RFX4: variants seen among roughly 807,000 people sequenced by gnomAD.
RFX4 encodes the protein regulatory factor X4, also known as transcription factor RFX4.
RFX4 carries 10 observed loss-of-function variants against 95.0 expected under a neutral mutation model. The observed-to-expected ratio is 0.11, with a 90% CI of 0.06 to 0.18. The LOEUF (loss-of-function observed/expected upper bound fraction) is 0.18, where lower values mean the gene tolerates loss of function less well. RFX4 is among the 10% of genes least tolerant of loss of function. RFX4 has a pLI of 1.00. For synonymous variants in RFX4, 321 were observed against 340.7 expected (o/e 0.94, Z 0.64); for missense variants, 640 against 922.0 (o/e 0.69, Z 3.96).
chr12:106,665,221 C>G (rs905161463), intron 4 of RFX4, among the ~76,000 whole-genome samples: 11 of 151,782 alleles, frequency 7.2e-5, no homozygotes, highest in African/African-American at 2.7e-4. Context: ...AGATTGATAC[C>G]TTTATAATTA....
chr12:106,668,713 T>G (rs1438258660), intron 4 of RFX4, among the ~76,000 whole-genome samples: 1 of 152,266 alleles, frequency 6.6e-6, no homozygotes. Flanking sequence ...CACACATCCA[T>G]GCATCCTTGT....
intron 5 of RFX4, among the ~76,000 whole-genome samples, chr12:106,686,667 C>T (rs938289422): frequency 6.6e-6 from 1 of 152,070 alleles, no homozygotes; most frequent in Non-Finnish European, 1.5e-5. Flanking sequence ...TTATTTTTAC[C>T]TGCCTGATTG....
chr12:106,678,857 G>A (rs368513510), intron 4 of RFX4, among the ~76,000 whole-genome samples: 8 of 152,086 alleles, frequency 5.3e-5, no homozygotes, highest in Middle Eastern at 3.4e-3. Flanking sequence ...AATTTCTACC[G>A]TGTGTATATA....
chr12:106,635,504 G>A (rs915014155), intron 2 of RFX4, among the ~76,000 whole-genome samples: 5 of 152,028 alleles, frequency 3.3e-5, no homozygotes, highest in African/African-American at 9.7e-5. Flanking sequence ...GTAGAGACAG[G>A]GTTTCACTGT....
intron 1 of RFX4, among the ~76,000 whole-genome samples, chr12:106,592,980 T>C (rs1565942708): frequency 6.6e-6 from 1 of 152,188 alleles, no homozygotes; most frequent in Non-Finnish European, 1.5e-5. Context: ...TGGGTCCAAA[T>C]TGAGGCAACT....
chr12:106,630,452 C>T (rs752573668), intron 2 of RFX4, among the ~76,000 whole-genome samples: 14 of 152,196 alleles, frequency 9.2e-5, no homozygotes, highest in East Asian at 1.9e-4. Context: ...GATTTAGCCA[C>T]GTTCCCACGG....
intron 2 of RFX4, among the ~76,000 whole-genome samples, chr12:106,614,020 G>A (rs936265169): frequency 6.6e-6 from 1 of 152,110 alleles, no homozygotes; most frequent in Non-Finnish European, 1.5e-5. Context: ...CCAACATTTG[G>A]GATAGCCATT....
In RFX4 at chr12:106,603,968, G is replaced by A. The variant is rs114997125; in HGVS notation, c.44-4829G>A. ...CGACATCTATGGAGCCAGCCACAGCGCCAGCCACTGGGTGTGAGATGATGG... is the reference window on the plus strand; with the variant it reads ...CGACATCTATGGAGCCAGCCACAGCACCAGCCACTGGGTGTGAGATGATGG... On this transcript the variant is annotated intron_variant, in intron 1 of 17. Transcript: ENST00000392842. 2.8e-3 allele frequency among the ~76,000 whole-genome samples: 430 copies of A among 152,206 alleles called. 2 individuals are homozygous for A. Among genetic ancestry groups the A allele is most frequent in the African/African-American group, 9.7e-3 (403 of 41,540 alleles).
chr12:106,704,638 G>A (rs2042049708), intron 8 of RFX4, among the ~76,000 whole-genome samples: 1 of 152,148 alleles, frequency 6.6e-6, no homozygotes, highest in Non-Finnish European at 1.5e-5. Flanking sequence ...AGAGCATGTT[G>A]AAATTCAGGG....
chr12:106,645,771 C>T (rs761699471), intron 3 of RFX4: 9 of 543,176 alleles, frequency 1.7e-5, no homozygotes, highest in African/African-American at 3.9e-5. Context: ...TGACTTGATT[C>T]TTACTCAACA....
Position 106,654,237 on chromosome 12 carries a change from G to A in RFX4, c.201G>A (p.Glu67=), listed in dbSNP as rs2040912430. Residue 67 remains glutamate, a synonymous_variant, in exon 4 of 18, where the codon GAG becomes GAA. Transcript: ENST00000392842. ...GCGTTTATTTCCCTAGGCTGGAGGA[G>A]AACTATGAGATTGCAGAGGGGGTCT... ...STPATLQWLE[E]NYEIAEGVCI... 2 of 1,613,866 alleles carry A rather than the reference G, an allele frequency of 1.2e-6. No homozygotes were observed. The highest frequency in any genetic ancestry group is 1.7e-6 in the Non-Finnish European group (2 of 1,179,928).
chr12:106,707,554 G>A (rs2042109111), intron 8 of RFX4, among the ~76,000 whole-genome samples: 1 of 152,130 alleles, frequency 6.6e-6, no homozygotes, highest in Non-Finnish European at 1.5e-5. Flanking sequence ...GGAGGGCGCA[G>A]GTGACAGAAT....
intron 4 of RFX4, among the ~76,000 whole-genome samples, chr12:106,673,982 T>A (rs1203014434): frequency 6.6e-6 from 1 of 151,948 alleles, no homozygotes; most frequent in Non-Finnish European, 1.5e-5. Context: ...TGTTCCCCAC[T>A]CCCCTCCTTA....
chr12:106,613,177 T>C (rs2137215654), intron 2 of RFX4, among the ~76,000 whole-genome samples: 1 of 151,204 alleles, frequency 6.6e-6, no homozygotes, highest in South Asian at 2.1e-4. Context: ...GATGGTTATG[T>C]AGTTTTCCTT....
chr12:106,608,838 C>A lies in RFX4; in HGVS notation c.85C>A (p.Arg29Ser), dbSNP rs146591557. ...ATGTCTCAACGAAAGTGAAAACAAACGTTATTCCAGCCACACATCTCTGGG... is the reference window on the plus strand; with the variant it reads ...ATGTCTCAACGAAAGTGAAAACAAAAGTTATTCCAGCCACACATCTCTGGG... ...ERCLNESENK[R>S]YSSHTSLGNV... The change falls in exon 2 of 18, where the codon CGT (arginine) becomes AGT (serine). Residue 29 changes from arginine to serine, a missense_variant. Around this residue, in one of 7 missense-constraint regions of RFX4, gnomAD observed 63 missense variants for 68.8 expected, o/e 0.92. Coordinates refer to ENST00000392842, the MANE Select transcript of RFX4 (RefSeq NM_213594.3). 1 of 1,608,640 alleles carries A rather than the reference C, an allele frequency of 6.2e-7. No homozygotes were observed. Among genetic ancestry groups the A allele is most frequent in the African/African-American group, 1.4e-5 (1 of 73,652 alleles).
Position 106,621,375 on chromosome 12 carries a change from T to C in RFX4, c.130+12492T>C, listed in dbSNP as rs529115920. 3.9e-5 allele frequency among the ~76,000 whole-genome samples: 6 copies of C among 152,322 alleles called. No individual in the cohort carries two copies. In the East Asian group the frequency reaches 1.2e-3, roughly 29 times the overall value. ...GAGAGCTAGCAGATCTCCTTAATCT[T>C]GTCAAGCCTTGCTTAAGTCTAGTCT... On this transcript the variant is annotated intron_variant, in intron 2 of 17. Transcript: ENST00000392842.
chr12:106,645,276 A>T lies in RFX4; in HGVS notation c.191+5884A>T, dbSNP rs148624752. Among the ~76,000 whole-genome samples, 860 of 152,212 alleles carry T rather than the reference A, an allele frequency of 5.7e-3. 6 individuals carry two copies. The highest frequency in any genetic ancestry group is 0.019 in the African/African-American group (803 of 41,518). On this transcript the variant is annotated intron_variant, in intron 3 of 17. Transcript: ENST00000392842. Reference sequence around the variant, plus strand: ...CCCGGCCGCACAATAACCTCTATTCATGCAGAGAATTTCGAAATGGAAAGC... The same window carrying T: ...CCCGGCCGCACAATAACCTCTATTCTTGCAGAGAATTTCGAAATGGAAAGC...
chr12:106,732,975 C>T lies in RFX4; in HGVS notation c.1523C>T (p.Ser508Leu). 6.2e-7 allele frequency: 1 copy of T among 1,614,196 alleles called. No individual in the cohort carries two copies. The highest frequency in any genetic ancestry group is 8.5e-7 in the Non-Finnish European group (1 of 1,180,030). Residue 508 changes from serine (S) to leucine (L), a missense_variant, in exon 15 of 18, where the codon TCA becomes TTA. Physicochemically the swap from Ser to Leu is moderately radical, Grantham distance 145. Coordinates refer to ENST00000392842, the MANE Select transcript of RFX4 (RefSeq NM_213594.3). ...ACAGAGGCTGCCGCACCAACCCCTT[C>T]ACCAGTGCCATCGTTTTCTCCAGCA... is the stretch of plus-strand genomic sequence containing the variant. ...ILTEAAAPTP[S>L]PVPSFSPAKS... is the part of the protein sequence containing the mutation.
In RFX4 at chr12:106,711,520, C is replaced by A; in HGVS notation, c.993+9C>A. The A allele has an allele frequency of 6.2e-7, 1 of 1,613,642 alleles. No homozygotes were observed. Among genetic ancestry groups the A allele is most frequent in the South Asian group, 1.1e-5 (1 of 91,074 alleles). ...TAAATCATCTCTGCCAGGTAGCTGT[C>A]CTCCATTATGTGTTTTAATCACTGC... is the stretch of plus-strand genomic sequence containing the variant. On this transcript the variant is annotated intron_variant, in intron 10 of 17. Transcript: ENST00000392842.
Sources: gnomAD v4.1 joint callset for allele counts (sites outside exome capture counted in the v4.1 genomes callset) on GRCh38, gnomAD v4.1.1 for gene constraint, gnomAD v4.1.1 regional missense constraint, MANE v1.5 for transcripts, NCBI Gene and HGNC (gene_info 2026-07-23, HGNC 2026-07-21) for gene names.